LRBA: variants seen among roughly 807,000 people sequenced by gnomAD.
LRBA encodes the protein LPS responsive beige-like anchor protein, also known as lipopolysaccharide-responsive and beige-like anchor protein.
Under a neutral mutation model 330.0 loss-of-function variants are expected in LRBA, and 176 were observed. That is an observed-to-expected ratio of 0.53 (90% CI 0.47 to 0.60). The LOEUF (loss-of-function observed/expected upper bound fraction) is 0.60, where lower values mean the gene tolerates loss of function less well. LRBA is among the 20% of genes least tolerant of loss of function. The pLI is 0.00. For missense variants in LRBA, 3,259 were observed against 3,444.8 expected, an observed-to-expected ratio of 0.95 and a Z score of 1.35; for synonymous variants, 1,230 against 1,193.0, an observed-to-expected ratio of 1.03 and a Z score of -0.64.
intron 41 of LRBA, among the ~76,000 whole-genome samples, chr4:150,489,144 A>AATATATCAGACTATATAAT (rs1758348941): frequency 9.1e-6 from 1 of 110,484 alleles, no homozygotes; most frequent in Non-Finnish European, 1.8e-5. Flanking sequence ...TATAATATAT[A>AATATATCAGACTATATAAT]ATATATCAGA....
intron 2 of LRBA, among the ~76,000 whole-genome samples, chr4:150,962,783 G>T (rs1738292947): frequency 6.8e-6 from 1 of 148,028 alleles, no homozygotes; most frequent in African/African-American, 2.6e-5. Context: ...GTAGAACCCT[G>T]TCTCTACTAA....
chr4:150,711,692 T>TA (rs1345983191), intron 36 of LRBA, among the ~76,000 whole-genome samples: 2 of 152,158 alleles, frequency 1.3e-5, no homozygotes, highest in African/African-American at 4.8e-5. Context: ...AAATAACTAT[T>TA]AAAAAACCCA....
chr4:150,424,882 G>T (rs115635863), intron 46 of LRBA, among the ~76,000 whole-genome samples: 1 of 152,172 alleles, frequency 6.6e-6, no homozygotes, highest in African/African-American at 2.4e-5. Flanking sequence ...AAACTATATT[G>T]CAGTCTCATC....
At chr4:150,962,173 T>A (rs75481317) in intron 2 of LRBA, among the ~76,000 whole-genome samples, 1 of 149,438 alleles carries the variant, frequency 6.7e-6, no homozygotes, top group Non-Finnish European at 1.5e-5. Flanking sequence ...TTTCTACATA[T>A]GTTCAAATGG....
At chr4:150,274,661 A>G (rs1040582860) in intron 56 of LRBA, among the ~76,000 whole-genome samples, 12 of 152,222 alleles carry the variant, frequency 7.9e-5, no homozygotes, top group Non-Finnish European at 1.2e-4. Flanking sequence ...AGAATACTAT[A>G]AACACCTCTA....
chr4:150,661,855 A>G (rs184393698), intron 37 of LRBA, among the ~76,000 whole-genome samples: 29 of 152,152 alleles, frequency 1.9e-4, no homozygotes, highest in East Asian at 5.8e-4. Flanking sequence ...ACTGACCTCA[A>G]GTGATCCACG....
At chr4:150,570,500 C>T (rs528403383) in intron 40 of LRBA, among the ~76,000 whole-genome samples, 2 of 152,220 alleles carry the variant, frequency 1.3e-5, no homozygotes, top group African/African-American at 4.8e-5. Flanking sequence ...AAATGCCCTT[C>T]TGAAAGGTCT....
intron 2 of LRBA, among the ~76,000 whole-genome samples, chr4:150,985,846 G>A (rs1741405049): frequency 6.6e-6 from 1 of 151,810 alleles, no homozygotes; most frequent in Non-Finnish European, 1.5e-5. Flanking sequence ...TTGTTAGGAG[G>A]AAAAAATAAA....
chr4:150,658,497 A>C (rs1237135896), intron 37 of LRBA, among the ~76,000 whole-genome samples: 2 of 40,188 alleles, frequency 5.0e-5, no homozygotes, highest in Non-Finnish European at 2.1e-4. Context: ...ACCTATCAGA[A>C]AATAAAAGTC....
intron 13 of LRBA, 79 bp from the exon 14 acceptor site, chr4:150,900,296 T>C: frequency 4.0e-6 from 4 of 1,007,722 alleles, no homozygotes. Flanking sequence ...GGCTGTTTTA[T>C]TTTCACCACG....
chr4:150,451,635 C>T (rs766506668), intron 44 of LRBA, among the ~76,000 whole-genome samples: 2 of 151,798 alleles, frequency 1.3e-5, no homozygotes, highest in Non-Finnish European at 2.9e-5. Context: ...AAAGTTTGCA[C>T]CTTAAGTTAC....
intron 46 of LRBA, chr4:150,423,078 C>A: frequency 1.2e-6 from 1 of 805,234 alleles, no homozygotes; most frequent in East Asian, 2.4e-5. Context: ...TGGGTGTGAC[C>A]TCTGGGGAAG....
At chr4:150,751,769 A>G (rs1365977878) in intron 35 of LRBA, among the ~76,000 whole-genome samples, 1 of 152,206 alleles carries the variant, frequency 6.6e-6, no homozygotes, top group Non-Finnish European at 1.5e-5. Context: ...AGCCCTATCA[A>G]GTAACCAACT....
intron 24 of LRBA, among the ~76,000 whole-genome samples, chr4:150,849,896 G>A (rs751616153): frequency 1.3e-5 from 2 of 152,012 alleles, no homozygotes; most frequent in Non-Finnish European, 2.9e-5. Context: ...GGTAAATACT[G>A]GTAAATGTGC....
intron 37 of LRBA, among the ~76,000 whole-genome samples, chr4:150,622,766 C>A (rs1245469663): frequency 6.8e-6 from 1 of 147,264 alleles, no homozygotes; most frequent in Non-Finnish European, 1.5e-5. Flanking sequence ...GGCACTATCT[C>A]GGCTCACTGC....
intron 2 of LRBA, among the ~76,000 whole-genome samples, chr4:151,004,115 C>T (rs576611663): frequency 2.0e-5 from 3 of 152,110 alleles, no homozygotes; most frequent in East Asian, 3.9e-4. Context: ...TACAGGGTTT[C>T]GCCATGCTGC....
At chr4:150,693,399 T>TA (rs1271976658) in intron 36 of LRBA, among the ~76,000 whole-genome samples, 4 of 150,514 alleles carry the variant, frequency 2.7e-5, no homozygotes, top group Admixed American at 2.0e-4. Context: ...CCGTCTCTAC[T>TA]AAAAATACAA....
chr4:150,763,101 T>C (rs1169923130), intron 34 of LRBA, among the ~76,000 whole-genome samples: 2 of 151,918 alleles, frequency 1.3e-5, no homozygotes, highest in African/African-American at 2.4e-5. Flanking sequence ...AGTATAACTA[T>C]GCTAACAGAA....
intron 49 of LRBA, among the ~76,000 whole-genome samples, chr4:150,325,336 T>C (rs536045431): frequency 1.1e-4 from 17 of 152,326 alleles, no homozygotes; most frequent in African/African-American, 4.1e-4. Flanking sequence ...TGGTTTGTTA[T>C]ACCAAACCAT....
Sources: allele counts gnomAD v4.1 joint callset (sites outside exome capture counted in the v4.1 genomes callset), GRCh38; gene constraint gnomAD v4.1.1; transcripts MANE v1.5; gene names NCBI Gene and HGNC (gene_info 2026-07-23, HGNC 2026-07-21).